The following CLYBL variants were observed in gnomAD, a reference collection of about 807,000 sequenced individuals.
CLYBL encodes citramalyl-CoA lyase, also known as citramalyl-CoA lyase, mitochondrial.
A neutral mutation model predicts 38.9 loss-of-function variants in CLYBL; 31 were observed. The observed-to-expected ratio is 0.80, with a 90% CI of 0.60 to 1.08. CLYBL has a LOEUF of 1.08. Among genes scored for constraint, CLYBL ranks in the 50% least tolerant of loss-of-function variants. The pLI, the probability that CLYBL is intolerant of heterozygous loss-of-function variation, is 0.00. For missense variants in CLYBL, 434 were observed against 411.6 expected (o/e 1.05, Z -0.47); for synonymous variants, 171 against 158.6 (o/e 1.08, Z -0.59).
intron 6 of CLYBL, among the ~76,000 whole-genome samples, chr13:99,868,418 A>C (rs527943161): frequency 6.6e-6 from 1 of 152,256 alleles, no homozygotes; most frequent in African/African-American, 2.4e-5. Context: ...AAAGAAAAAA[A>C]AGGAAAGGAA....
At chr13:99,871,213 A>G in intron 7 of CLYBL, 151 bp downstream of exon 7, 1 of 864,182 alleles carries the variant, frequency 1.2e-6, no homozygotes. Flanking sequence ...CAGTGAGAAA[A>G]TTGCTTGAGA....
At chr13:99,678,247 A>C (rs553836652) in intron 1 of CLYBL, among the ~76,000 whole-genome samples, 2 of 152,324 alleles carry the variant, frequency 1.3e-5, no homozygotes, top group East Asian at 3.9e-4. Context: ...ACTGCGGCAG[A>C]GTTGTGTTAC....
In CLYBL at chr13:99,779,186, G is replaced by A. The variant is rs558873185; in HGVS notation, c.249+6176G>A. ...AGAAGGAGTCTCGCTGTTGTCGCCC[G>A]GGCTGGAGTGCAATGGTATGATCTC... On this transcript the variant is annotated intron_variant, in intron 2 of 8. Transcript: ENST00000339105. Among the ~76,000 whole-genome samples the A allele has an allele frequency of 1.4e-3, 212 of 152,092 alleles. 2 individuals are homozygous for A. The highest frequency in any genetic ancestry group is 0.014 in the Middle Eastern group (4 of 294).
At chr13:99,681,243 G>A (rs2047730478) in intron 1 of CLYBL, among the ~76,000 whole-genome samples, 1 of 152,148 alleles carries the variant, frequency 6.6e-6, no homozygotes, top group Admixed American at 6.5e-5. Context: ...ATAGATACTA[G>A]TATCGTACCC....
intron 7 of CLYBL, among the ~76,000 whole-genome samples, chr13:99,872,513 G>A (rs1052795212): frequency 9.2e-5 from 14 of 152,202 alleles, no homozygotes; most frequent in Admixed American, 4.6e-4. Context: ...ACCTGCCCAC[G>A]CATACCCACA....
intron 1 of CLYBL, among the ~76,000 whole-genome samples, chr13:99,657,381 C>CA (rs1566601150): frequency 6.6e-6 from 1 of 152,202 alleles, no homozygotes; most frequent in Non-Finnish European, 1.5e-5. Flanking sequence ...GTGGAAAATA[C>CA]AATGGTTTTG....
At chr13:99,617,790 T>C (rs1594085107) in intron 1 of CLYBL, among the ~76,000 whole-genome samples, 2 of 152,350 alleles carry the variant, frequency 1.3e-5, no homozygotes, top group South Asian at 2.1e-4. Context: ...GCCCTCCTTA[T>C]GACCTCCTCT....
At chr13:99,731,657 C>T in intron 1 of CLYBL, among the ~76,000 whole-genome samples, 1 of 152,024 alleles carries the variant, frequency 6.6e-6, no homozygotes, top group East Asian at 1.9e-4. Flanking sequence ...TAGACAGAGG[C>T]GGAGGGTAGA....
At chr13:99,770,501 T>C (rs2049365303) in intron 1 of CLYBL, among the ~76,000 whole-genome samples, 1 of 152,042 alleles carries the variant, frequency 6.6e-6, no homozygotes, top group Non-Finnish European at 1.5e-5. Flanking sequence ...GTATTTTTAG[T>C]AGAGACGGGG....
At position 99,842,521 on chromosome 13, in the gene CLYBL, C is replaced by T. The variant is rs933492583; in HGVS notation, c.250-16340C>T. Among the ~76,000 whole-genome samples, 18 of 152,136 alleles carry T rather than the reference C, an allele frequency of 1.2e-4. 1 individual carries two copies. Among genetic ancestry groups the T allele is most frequent in the Admixed American group, 9.2e-4 (14 of 15,264 alleles). On this transcript the variant is annotated intron_variant, in intron 2 of 8. Transcript: ENST00000339105. The stretch of plus-strand genomic sequence containing the variant: ...GGTGCCAAAAGACTAGCTTCCTGTT[C>T]TTTCCTTTTGGTCAGGCACTAGGGA...
intron 2 of CLYBL, among the ~76,000 whole-genome samples, chr13:99,845,678 A>G (rs1229194417): frequency 6.6e-6 from 1 of 152,204 alleles, no homozygotes; most frequent in Non-Finnish European, 1.5e-5. Context: ...GCTCCACGAT[A>G]CACATCTTCA....
chr13:99,810,688 T>C (rs772927663), intron 2 of CLYBL, among the ~76,000 whole-genome samples: 12 of 151,944 alleles, frequency 7.9e-5, no homozygotes, highest in Non-Finnish European at 1.3e-4. Context: ...TCTTGCAAAA[T>C]AGCATTCTGA....
intron 1 of CLYBL, among the ~76,000 whole-genome samples, chr13:99,732,812 G>A (rs530128535): frequency 6.6e-6 from 1 of 152,296 alleles, no homozygotes; most frequent in African/African-American, 2.4e-5. Flanking sequence ...TTGACCCAAA[G>A]ATATTTAAAA....
chr13:99,676,354 G>A (rs1372257079), intron 1 of CLYBL, among the ~76,000 whole-genome samples: 1 of 151,650 alleles, frequency 6.6e-6, no homozygotes, highest in African/African-American at 2.4e-5. Context: ...TTGTCACCCA[G>A]GCTGGAGTGC....
intron 1 of CLYBL, among the ~76,000 whole-genome samples, chr13:99,701,305 G>A (rs2048061307): frequency 6.6e-6 from 1 of 151,930 alleles, no homozygotes; most frequent in African/African-American, 2.4e-5. Flanking sequence ...GGGAGGATGT[G>A]GTTTTTGTTT....
Position 99,752,828 on chromosome 13 carries a change from C to T in CLYBL, c.63-19996C>T, listed in dbSNP as rs1363511938. On this transcript the variant is annotated intron_variant, in intron 1 of 8. Coordinates refer to ENST00000339105, the MANE Select transcript of CLYBL (RefSeq NM_206808.5). ...GATGTGGAGAAGGACCGTGGGGTCT[C>T]TGCCTCCACCCCCACCAAACAGGAA... Among the ~76,000 whole-genome samples, 10 of 152,252 alleles carry T rather than the reference C, an allele frequency of 6.6e-5. No individual in the cohort carries two copies. In the East Asian group the frequency reaches 1.9e-3, roughly 30 times the overall value.
At chr13:99,634,040 C>T (rs1040178889) in intron 1 of CLYBL, among the ~76,000 whole-genome samples, 2 of 152,078 alleles carry the variant, frequency 1.3e-5, no homozygotes, top group Non-Finnish European at 2.9e-5. Flanking sequence ...AACAAACACT[C>T]AGCAAGATAA....
rs538265571 is a variant in CLYBL at position 99,862,945 on chromosome 13, T to A, written c.439-46T>A. ...ACTTCTGGGTCTACATTTCCGTGAT[T>A]GTACATTTTTTCCCCACTAATCACC... On this transcript the variant is annotated intron_variant, in intron 3 of 8. Transcript: ENST00000339105. 57 of 1,098,312 alleles carry A rather than the reference T, an allele frequency of 5.2e-5. No individual in the cohort carries two copies. The East Asian group carries it at 1.4e-3, about 26-fold the overall frequency. 68.0% of individuals were successfully genotyped at this position (1,098,312 alleles called of 1,614,324 possible).
At chr13:99,646,860 AG>A (rs752519773) in intron 1 of CLYBL, among the ~76,000 whole-genome samples, 52 of 152,132 alleles carry the variant, frequency 3.4e-4, no homozygotes, top group Middle Eastern at 3.4e-3. Context: ...CTCGTTACAA[AG>A]GCAAGCATAC....
Sources: allele counts gnomAD v4.1 joint callset (sites outside exome capture counted in the v4.1 genomes callset), GRCh38; gene constraint gnomAD v4.1.1; transcripts MANE v1.5; gene names NCBI Gene and HGNC (gene_info 2026-07-23, HGNC 2026-07-21).